Variants in ZMYND11 observed in about 807,000 individuals in gnomAD.
The protein encoded by ZMYND11 is zinc finger MYND domain-containing protein 11.
ZMYND11 carries 9 observed loss-of-function variants against 84.9 expected under a neutral mutation model. The ratio of observed to expected loss-of-function variants is 0.11; its 90% CI spans 0.06 to 0.18. ZMYND11 has a LOEUF of 0.18. Among genes scored for constraint, ZMYND11 ranks in the 10% least tolerant of loss-of-function variants. The probability of loss-of-function intolerance (pLI) is 1.00; values close to 1 mark genes in which losing one functional copy is unlikely to be tolerated. For missense variants in ZMYND11, 409 were observed against 761.0 expected, an observed-to-expected ratio of 0.54 and a Z score of 5.44; for synonymous variants, 250 against 244.1, an observed-to-expected ratio of 1.02 and a Z score of -0.23.
intron 1 of ZMYND11, among the ~76,000 whole-genome samples, chr10:153,939 A>G (rs532789000): frequency 1.3e-5 from 2 of 152,268 alleles, no homozygotes; most frequent in East Asian, 3.9e-4. Context: ...ATGCCATATC[A>G]CCTTTTGAAC....
chr10:215,537 GC>G (rs1371117762), intron 3 of ZMYND11, among the ~76,000 whole-genome samples: 1 of 151,540 alleles, frequency 6.6e-6, no homozygotes, highest in Non-Finnish European at 1.5e-5. Context: ...TTTTAAATAG[GC>G]CTAGGGGGCA....
At chr10:183,998 C>A (rs1285245176) in intron 2 of ZMYND11, among the ~76,000 whole-genome samples, 2 of 152,110 alleles carry the variant, frequency 1.3e-5, no homozygotes, top group Non-Finnish European at 2.9e-5. Context: ...TCTTTCTAGG[C>A]CTTTGGACAG....
intron 4 of ZMYND11, among the ~76,000 whole-genome samples, chr10:229,954 A>T (rs1948719338): frequency 6.6e-6 from 1 of 152,222 alleles, no homozygotes; most frequent in African/African-American, 2.4e-5. Flanking sequence ...AAGCTCCTAG[A>T]TCTCCTCTAT....
intron 8 of ZMYND11, 73 bp from the exon 9 acceptor site, chr10:240,820 A>C: frequency 2.7e-6 from 3 of 1,105,480 alleles, no homozygotes; most frequent in Non-Finnish European, 4.0e-6. Flanking sequence ...GTTAATTTAC[A>C]TGGATACATT....
rs558009914 is a variant in ZMYND11, at chr10:176,730, A to G, written c.-19-3264A>G. On this transcript the variant is annotated intron_variant, in intron 1 of 14. Transcript: ENST00000381604. ...ATTGAGTTTTATTTGGTTTGATTCC[A>G]GGAGAAAAGCCTGGTCAGGGAAAAT... is the stretch of plus-strand genomic sequence containing the variant. Among the ~76,000 whole-genome samples the G allele has an allele frequency of 9.2e-5, 14 of 152,302 alleles. No individual in the cohort carries two copies. In the East Asian group the frequency reaches 2.7e-3, roughly 29 times the overall value.
chr10:247,556 G>C (rs550880756), intron 12 of ZMYND11, 90 bp downstream of exon 12: 3 of 1,344,828 alleles, frequency 2.2e-6, no homozygotes, highest in East Asian at 5.0e-5. Context: ...TTCAAAGACA[G>C]TCACTCTTGG....
At chr10:200,318 C>T (rs1260891911) in intron 2 of ZMYND11, among the ~76,000 whole-genome samples, 1 of 142,442 alleles carries the variant, frequency 7.0e-6, no homozygotes, top group Non-Finnish European at 1.5e-5. Context: ...TAATATATAA[C>T]ATATAATATG....
Position 254,440 on chromosome 10 carries a change from A to T in ZMYND11, c.*1970A>T, listed in dbSNP as rs1318834344. 2 of 152,648 alleles carry T rather than the reference A, an allele frequency of 1.3e-5. No homozygotes were observed. Among genetic ancestry groups the T allele is most frequent in the African/African-American group, 2.4e-5 (1 of 41,458 alleles). The allele number at this position is 152,648 out of a possible 1,614,324, so 9.5% of individuals were successfully genotyped here. A position where few individuals can be genotyped will look rare whatever the true frequency, so the allele number is the denominator to read the frequency against. Reference sequence around the variant, plus strand: ...TAAAATTACAATTGATTGTTTTAGGAATCATTATTAAAAATTTTCTGCAAA... The same window carrying T: ...TAAAATTACAATTGATTGTTTTAGGTATCATTATTAAAAATTTTCTGCAAA... On this transcript the variant is annotated 3_prime_UTR_variant, in exon 15 of 15. Coordinates refer to ENST00000381604, the MANE Select transcript of ZMYND11 (RefSeq NM_001370100.5).
chr10:154,717 T>G (rs537641832), intron 1 of ZMYND11: 1 of 152,350 alleles, frequency 6.6e-6, no homozygotes, highest in South Asian at 2.1e-4. Flanking sequence ...GATTTTTATA[T>G]CTTTTAATAG....
chr10:239,795 A>T (rs1341669399), intron 7 of ZMYND11, among the ~76,000 whole-genome samples: 1 of 152,204 alleles, frequency 6.6e-6, no homozygotes, highest in African/African-American at 2.4e-5. Context: ...AATAAGCACT[A>T]TGATTAATTC....
Position 247,481 on chromosome 10 carries a change from T to C in ZMYND11, c.1227+15T>C, listed in dbSNP as rs1952382155. 3.1e-6 allele frequency: 5 copies of C among 1,613,054 alleles called. No individual in the cohort carries two copies. Among genetic ancestry groups the C allele is most frequent in the Non-Finnish European group, 4.2e-6 (5 of 1,179,230 alleles). On this transcript the variant is annotated intron_variant, in intron 12 of 14. Transcript: ENST00000381604. ...CCAAAAAGGAAGTAAGTTGCCCACC[T>C]CGCAGTATCCAGGTGGCAAATGAAA...
intron 2 of ZMYND11, among the ~76,000 whole-genome samples, chr10:188,612 T>A (rs957366415): frequency 2.5e-4 from 22 of 89,622 alleles, no homozygotes; most frequent in Admixed American, 2.3e-3. Context: ...AAAAAAAAAT[T>A]TCCCAGTATG....
intron 10 of ZMYND11, among the ~76,000 whole-genome samples, chr10:245,578 G>T (rs948943501): frequency 6.6e-6 from 1 of 152,196 alleles, no homozygotes; most frequent in Admixed American, 6.5e-5. Context: ...CGTAGAAAAT[G>T]TCTGTTACTC....
At chr10:217,374 T>C (rs1440850844) in intron 3 of ZMYND11, among the ~76,000 whole-genome samples, 1 of 152,006 alleles carries the variant, frequency 6.6e-6, no homozygotes, top group Non-Finnish European at 1.5e-5. Flanking sequence ...CACAAAAAAA[T>C]TAGCTGGGTA....
chr10:196,431 T>C (rs888319087), intron 2 of ZMYND11, among the ~76,000 whole-genome samples: 1 of 152,208 alleles, frequency 6.6e-6, no homozygotes, highest in Non-Finnish European at 1.5e-5. Flanking sequence ...TTATGACCAT[T>C]TTTTATAATC....
intron 10 of ZMYND11, 107 bp downstream of exon 10, chr10:242,246 A>G (rs567229909): frequency 6.7e-7 from 1 of 1,483,674 alleles, no homozygotes; most frequent in East Asian, 2.3e-5. Context: ...TTAAATTGGA[A>G]AAAAAAAACA....
chr10:195,503 T>C (rs1941513098), intron 2 of ZMYND11, among the ~76,000 whole-genome samples: 1 of 152,224 alleles, frequency 6.6e-6, no homozygotes. Flanking sequence ...AAAAATAAAC[T>C]ATAGCCTCAC....
intron 2 of ZMYND11, among the ~76,000 whole-genome samples, chr10:206,455 G>C (rs1408189972): frequency 6.6e-6 from 1 of 152,310 alleles, no homozygotes; most frequent in East Asian, 1.9e-4. Context: ...TGAACTGAGA[G>C]AATTGAATTA....
At chr10:249,717 GA>G in intron 14 of ZMYND11, 1 of 985,314 alleles carries the variant, frequency 1.0e-6, no homozygotes, top group East Asian at 1.1e-4. Context: ...GTGAATTAGG[GA>G]AAAGTTTTGC....
Sources: gnomAD v4.1 joint callset for allele counts (sites outside exome capture counted in the v4.1 genomes callset) on GRCh38, gnomAD v4.1.1 for gene constraint, MANE v1.5 for transcripts, NCBI Gene and HGNC (gene_info 2026-07-23, HGNC 2026-07-21) for gene names.